DHRS3: variants seen among roughly 807,000 people sequenced by gnomAD.
The protein encoded by DHRS3 is dehydrogenase/reductase 3, also known as short-chain dehydrogenase/reductase 3.
DHRS3 carries 14 observed loss-of-function variants against 27.2 expected under a neutral mutation model. That is an observed-to-expected ratio of 0.52 (90% CI 0.34 to 0.81). The LOEUF (loss-of-function observed/expected upper bound fraction) is 0.81. DHRS3 is among the 30% of genes least tolerant of loss of function. The pLI, the probability that DHRS3 is intolerant of heterozygous loss-of-function variation, is 0.01. For synonymous variants in DHRS3, 165 were observed against 175.9 expected (o/e 0.94, Z 0.49); for missense variants, 322 against 406.2 (o/e 0.79, Z 1.78).
In DHRS3 at chr1:12,608,441, G is replaced by T. The variant is rs1162203834; in HGVS notation, c.195+8713C>A. Among the ~76,000 whole-genome samples the T allele has an allele frequency of 6.6e-6, 1 of 152,142 alleles. No homozygotes were observed. ...TCCCTGCTCCCCAGCACCCTGGAAA[G>T]CCTGGACAAAGGAATGACATCACTG... is the stretch of plus-strand genomic sequence containing the variant. On this transcript the variant is annotated intron_variant, in intron 1 of 5. Coordinates refer to ENST00000616661, the MANE Select transcript of DHRS3 (RefSeq NM_004753.7). This position sits in a 1 kb window ranked among gnomAD's most constrained non-coding sequence, Gnocchi z 4.1.
chr1:12,590,175 AG>A (rs1329467671), intron 1 of DHRS3, among the ~76,000 whole-genome samples: 1 of 152,084 alleles, frequency 6.6e-6, no homozygotes, highest in East Asian at 1.9e-4. Context: ...CAGAGCCCCA[AG>A]GAACTCTGGG....
chr1:12,595,424 G>T (rs574126922), intron 1 of DHRS3, among the ~76,000 whole-genome samples: 1 of 150,714 alleles, frequency 6.6e-6, no homozygotes, highest in Admixed American at 6.6e-5. Flanking sequence ...CGGGGGTCCC[G>T]GGAGGGGCTG....
rs973636899 is a variant in DHRS3 at position 12,583,144 on chromosome 1, A to C, written c.196-2478T>G. ...TTCATCCACACACCTACCCTACTCCATCCATCCACTCACCCACCCCACTCC... is the reference window on the plus strand; with the variant it reads ...TTCATCCACACACCTACCCTACTCCCTCCATCCACTCACCCACCCCACTCC... On this transcript the variant is annotated intron_variant, in intron 1 of 5. Transcript: ENST00000616661. 5.1e-5 allele frequency among the ~76,000 whole-genome samples: 7 copies of C among 137,778 alleles called. 2 individuals carry two copies. The allele number at this position is 137,778 out of a possible 152,430, so 90.4% of individuals were successfully genotyped here. A position where few individuals can be genotyped will look rare whatever the true frequency, so the allele number is the denominator to read the frequency against.
intron 5 of DHRS3, among the ~76,000 whole-genome samples, chr1:12,571,170 C>T (rs1216419800): frequency 3.3e-5 from 5 of 152,232 alleles, no homozygotes; most frequent in African/African-American, 1.2e-4. Context: ...ACAAGGATCT[C>T]CTGCTGTACT....
rs1218124583 is a variant in DHRS3, at chr1:12,578,813, G to C, written c.603C>G (p.Ser201Arg). Reference sequence around the variant, plus strand: ...GACAGTCCAGCAGCCCCAGGGTCAGGCTCTCCATGAAGGCGAAGGCTGACG... The same window carrying C: ...GACAGTCCAGCAGCCCCAGGGTCAGCCTCTCCATGAAGGCGAAGGCTGACG... ...SKASAFAFME[S>R]LTLGLLDCPG... The change falls in exon 4 of 6, where the codon AGC becomes AGG. Residue 201 changes from serine (S) to arginine (R), a missense_variant. Ser to Arg is a moderately radical substitution (Grantham distance 110). Transcript: ENST00000616661. The surrounding 1 kb of genome is among the most constrained non-coding windows in gnomAD (Gnocchi z 4.5). The C allele has an allele frequency of 6.2e-7, 1 of 1,614,078 alleles. No homozygotes were observed. Among genetic ancestry groups the C allele is most frequent in the Non-Finnish European group, 8.5e-7 (1 of 1,180,022 alleles).
intron 2 of DHRS3, chr1:12,579,894 G>A (rs956878732): frequency 1.2e-5 from 2 of 172,956 alleles, no homozygotes; most frequent in African/African-American, 4.8e-5. Flanking sequence ...CTTCCCGCAG[G>A]CCACTTTCTG....
At chr1:12,590,954 C>G (rs1343208392) in intron 1 of DHRS3, among the ~76,000 whole-genome samples, 1 of 152,188 alleles carries the variant, frequency 6.6e-6, no homozygotes, top group African/African-American at 2.4e-5. Context: ...TTTCCAGACT[C>G]TACACAATCC....
chr1:12,581,017 G>C (rs543132833), intron 1 of DHRS3, among the ~76,000 whole-genome samples: 23 of 152,006 alleles, frequency 1.5e-4, no homozygotes, highest in Middle Eastern at 3.4e-3. Flanking sequence ...TTGTAGAGTA[G>C]GGGTATTCTT....
In DHRS3 at chr1:12,594,994, T is replaced by C. The variant is rs1370188448; in HGVS notation, c.196-14328A>G. Among the ~76,000 whole-genome samples the C allele has an allele frequency of 1.3e-5, 2 of 152,190 alleles. No homozygotes were observed. The highest frequency in any genetic ancestry group is 3.9e-4 in the East Asian group (2 of 5,166). ...TTGCCGTTCCCTGAGCCCCAGCGCC[T>C]CCCTCTCCAGGAGGGTTGGCTCTGG... On this transcript the variant is annotated intron_variant, in intron 1 of 5. Transcript: ENST00000616661. The surrounding 1 kb of genome is among the most constrained non-coding windows in gnomAD (Gnocchi z 4.1).
chr1:12,595,525 T>C (rs1407713810), intron 1 of DHRS3, among the ~76,000 whole-genome samples: 2 of 15,634 alleles, frequency 1.3e-4, no homozygotes, highest in African/African-American at 5.4e-4. Context: ...GGGCGGGAGA[T>C]AGATGGGGAG....
At chr1:12,596,899 T>C (rs927461297) in intron 1 of DHRS3, among the ~76,000 whole-genome samples, 1 of 152,152 alleles carries the variant, frequency 6.6e-6, no homozygotes, top group Non-Finnish European at 1.5e-5. Context: ...GCCCTTCTCC[T>C]CACCCACTGC....
chr1:12,617,198 C>T lies in DHRS3; in HGVS notation c.151G>A (p.Gly51Arg). 1 of 1,613,188 alleles carries T rather than the reference C, an allele frequency of 6.2e-7. No homozygotes were observed. The highest frequency in any genetic ancestry group is 8.5e-7 in the Non-Finnish European group (1 of 1,179,874). The change falls in exon 1 of 6, where the codon GGG (glycine) becomes AGG (arginine). Residue 51 changes from glycine (G) to arginine (R), a missense_variant. Physicochemically the swap from Gly to Arg is moderately radical, Grantham distance 125 (BLOSUM62 -2). Coordinates refer to ENST00000616661, the MANE Select transcript of DHRS3 (RefSeq NM_004753.7). ...VLITGGGRGI[G>R]RQLAREFAER... The stretch of plus-strand genomic sequence containing the variant: ...GCGAACTCGCGGGCGAGCTGACGCC[C>T]GATGCCTCTCCCGCCGCCGGTGATG...
rs58614555 is a variant in DHRS3, at chr1:12,617,520, G to GAAAA, written c.-176_-173dup. Reference sequence around the variant, plus strand: ...AATGCAAAGCACCGGGTGAGAAAAAGAAAAAAAAAAAAAAAAAAAAGATAA... The same window carrying GAAAA: ...AATGCAAAGCACCGGGTGAGAAAAAGAAAAAAAAAAAAAAAAAAAAAAAAGATAA... On this transcript the variant is annotated 5_prime_UTR_variant, in exon 1 of 6. Transcript: ENST00000616661. 3.1e-3 allele frequency: 405 copies of GAAAA among 131,834 alleles called. 7 individuals carry two copies. The highest frequency in any genetic ancestry group is 0.014 in the African/African-American group (368 of 26,564). 8.2% of individuals were successfully genotyped at this position (131,834 alleles called of 1,614,324 possible).
intron 1 of DHRS3, among the ~76,000 whole-genome samples, chr1:12,588,058 A>G (rs1646712817): frequency 6.6e-6 from 1 of 152,232 alleles, no homozygotes; most frequent in South Asian, 2.1e-4. Context: ...CCTGTCTCTT[A>G]GAGGACAGGG....
Position 12,579,412 on chromosome 1 carries a change from C to T in DHRS3, c.340G>A (p.Val114Met), listed in dbSNP as rs1049686075. 4 of 1,613,630 alleles carry T rather than the reference C, an allele frequency of 2.5e-6. No individual in the cohort carries two copies. The highest frequency in any genetic ancestry group is 3.4e-6 in the Non-Finnish European group (4 of 1,179,732). ...TTCACCAGGATGGTGATGTCACCCA[C>T]CTGCAGGCGAGAGGGAGCCACGGGG... The part of the protein sequence containing the change: ...YQTAKAVREK[V>M]GDITILVNNA... Residue 114 changes from valine (V) to methionine (M), a missense_variant and splice_region_variant, in exon 3 of 6, where the codon GTG (valine) becomes ATG (methionine). Val to Met is a conservative substitution (Grantham distance 21). Transcript: ENST00000616661.
At chr1:12,604,797 TC>T (rs751906641) in intron 1 of DHRS3, among the ~76,000 whole-genome samples, 13 of 152,152 alleles carry the variant, frequency 8.5e-5, no homozygotes, top group Non-Finnish European at 1.6e-4. Context: ...ACGCCTGTAA[TC>T]CCCGCACTTT....
chr1:12,580,127 C>A, intron 2 of DHRS3: 1 of 307,332 alleles, frequency 3.3e-6, no homozygotes, highest in African/African-American at 2.1e-5. Flanking sequence ...GAGTTTACTG[C>A]GACATAAAAA....
chr1:12,569,231 T>TCTCTCTCA, intron 5 of DHRS3, among the ~76,000 whole-genome samples: 1 of 110,584 alleles, frequency 9.0e-6, no homozygotes, highest in African/African-American at 2.8e-5. Context: ...TCTCTCTCTC[T>TCTCTCTCA]CACACACACA....
Position 12,568,237 on chromosome 1 carries a change from G to T in DHRS3, c.*103C>A. 8.9e-7 allele frequency: 1 copy of T among 1,125,040 alleles called. No homozygotes were observed. Among genetic ancestry groups the T allele is most frequent in the Non-Finnish European group, 1.3e-6 (1 of 745,818 alleles). The allele number at this position is 1,125,040 out of a possible 1,614,324, so 69.7% of individuals were successfully genotyped here. The stretch of plus-strand genomic sequence containing the variant: ...CTTCGCTGGGGACAGGAGCTGTCCT[G>T]CTCACCCAGCAGAAGCATGCCAATG... On this transcript the variant is annotated 3_prime_UTR_variant, in exon 6 of 6. Transcript: ENST00000616661.
Sources: gnomAD v4.1 joint callset for allele counts (sites outside exome capture counted in the v4.1 genomes callset) on GRCh38, gnomAD v4.1.1 for gene constraint, Gnocchi (gnomAD v3.1) non-coding constraint, MANE v1.5 for transcripts, NCBI Gene and HGNC (gene_info 2026-07-23, HGNC 2026-07-21) for gene names.